Variants in NPLOC4 observed in about 807,000 individuals in gnomAD.
NPLOC4 encodes NPL4 homolog, ubiquitin recognition factor, also known as nuclear protein localization protein 4 homolog.
In NPLOC4, 18 loss-of-function variants were observed where a neutral mutation model predicts 80.6. That is an observed-to-expected ratio of 0.22 (90% CI 0.15 to 0.33). The LOEUF (loss-of-function observed/expected upper bound fraction) is 0.33. Among genes scored for constraint, NPLOC4 ranks in the 10% least tolerant of loss-of-function variants. The pLI is 1.00. For synonymous variants in NPLOC4, 313 were observed against 301.5 expected (o/e 1.04, Z -0.39); for missense variants, 540 against 786.1 (o/e 0.69, Z 3.74).
chr17:81,627,491 G>A (rs1218020245), intron 2 of NPLOC4, among the ~76,000 whole-genome samples: 1 of 152,132 alleles, frequency 6.6e-6, no homozygotes, highest in African/African-American at 2.4e-5. Context: ...TGTAACCCCA[G>A]CACTTTGGGA....
Position 81,580,862 on chromosome 17 carries a change from C to A in NPLOC4, c.1281+8082G>T, listed in dbSNP as rs1464924599. Among the ~76,000 whole-genome samples the A allele has an allele frequency of 6.6e-6, 1 of 152,196 alleles. No homozygotes were observed. Among genetic ancestry groups the A allele is most frequent in the African/African-American group, 2.4e-5 (1 of 41,454 alleles). ...GTCAGTGCTACCAAGGGCTTGGCCA[C>A]CCAAACACAACAGCTCTCGCTCCCC... On this transcript the variant is annotated intron_variant, in intron 12 of 16. Coordinates refer to ENST00000331134, the MANE Select transcript of NPLOC4 (RefSeq NM_017921.4). The surrounding 1 kb of genome is among the most constrained non-coding windows in gnomAD (Gnocchi z 4.4).
rs1215473696 is a variant in NPLOC4 at position 81,557,979 on chromosome 17, C to CTA, written c.*1278_*1279dup. The CTA allele has an allele frequency of 6.6e-6, 1 of 152,528 alleles. No homozygotes were observed. Among genetic ancestry groups the CTA allele is most frequent in the Non-Finnish European group, 1.5e-5 (1 of 68,222 alleles). 9.4% of individuals were successfully genotyped at this position (152,528 alleles called of 1,614,324 possible). ...CCCCCCAGGATGGACACAGAAGTCC[C>CTA]TAAGCAGTCTGCAGCTGGGCCAGCC... On this transcript the variant is annotated 3_prime_UTR_variant, in exon 17 of 17. Coordinates refer to ENST00000331134, the MANE Select transcript of NPLOC4 (RefSeq NM_017921.4).
In NPLOC4 at chr17:81,577,761, A is replaced by C. The variant is rs1038642906; in HGVS notation, c.1282-5673T>G. On this transcript the variant is annotated intron_variant, in intron 12 of 16. Transcript: ENST00000331134. The surrounding 1 kb of genome is among the most constrained non-coding windows in gnomAD (Gnocchi z 4.3). ...GGCACCAGTGCCAACCCTGCTCCCC[A>C]AAACCAGGAACCTGGCTTGAGCCTG... is the stretch of plus-strand genomic sequence containing the variant. Among the ~76,000 whole-genome samples the C allele has an allele frequency of 6.6e-6, 1 of 152,124 alleles. No individual in the cohort carries two copies.
At chr17:81,587,341 A>G (rs1003893663) in intron 12 of NPLOC4, among the ~76,000 whole-genome samples, 1 of 151,866 alleles carries the variant, frequency 6.6e-6, no homozygotes, top group Non-Finnish European at 1.5e-5. Context: ...TTTGAGACGG[A>G]GTCTTGCTCT....
At position 81,600,299 on chromosome 17, in the gene NPLOC4, G is replaced by A. The variant is rs376125584; in HGVS notation, c.921+42C>T. The A allele has an allele frequency of 4.1e-6, 6 of 1,465,270 alleles. No homozygotes were observed. The African/African-American group carries it at 7.0e-5, about 17-fold the overall frequency. The allele number at this position is 1,465,270 out of a possible 1,614,324, so 90.8% of individuals were successfully genotyped here. ...CCCCCTGGCCTGGATGCCCAACAGA[G>A]CCTGGCCACGCCCCCTGCTTGGCTG... On this transcript the variant is annotated intron_variant, in intron 9 of 16. Transcript: ENST00000331134.
At position 81,577,706 on chromosome 17, in the gene NPLOC4, TC is replaced by T. The variant is rs2034338643; in HGVS notation, c.1282-5619del. On this transcript the variant is annotated intron_variant, in intron 12 of 16. Transcript: ENST00000331134. This position sits in a 1 kb window ranked among gnomAD's most constrained non-coding sequence, Gnocchi z 4.3. ...TGCGTGCTGGCACCTGGACTCACCA[TC>T]CTCCCACACAGACCCATGGCTCTAC... Among the ~76,000 whole-genome samples, 1 of 152,096 alleles carries T rather than the reference TC, an allele frequency of 6.6e-6. No homozygotes were observed. The highest frequency in any genetic ancestry group is 2.4e-5 in the African/African-American group (1 of 41,406).
chr17:81,588,803 C>T, intron 12 of NPLOC4, 141 bp downstream of exon 12: 1 of 683,464 alleles, frequency 1.5e-6, no homozygotes, highest in Non-Finnish European at 2.5e-6. Context: ...AGAAACGTGA[C>T]AGAAGCCTTT....
chr17:81,623,591 G>A (rs1460541361), intron 2 of NPLOC4, among the ~76,000 whole-genome samples: 7 of 151,800 alleles, frequency 4.6e-5, no homozygotes, highest in Non-Finnish European at 1.0e-4. Context: ...GAGGTCAGGA[G>A]ATCGAGACCA....
At chr17:81,589,193 A>G (rs2034666441) in intron 11 of NPLOC4, 89 bp from the exon 12 acceptor site, 1 of 1,175,324 alleles carries the variant, frequency 8.5e-7, no homozygotes, top group East Asian at 2.6e-5. Flanking sequence ...GATCAACAGA[A>G]AAAACAAACC....
At chr17:81,569,713 C>T (rs1270412275) in intron 13 of NPLOC4, among the ~76,000 whole-genome samples, 1 of 152,176 alleles carries the variant, frequency 6.6e-6, no homozygotes, top group Non-Finnish European at 1.5e-5. Flanking sequence ...GGGTTCAGCT[C>T]TTCTCTCTCC....
At chr17:81,578,975 T>C (rs62073413) in intron 12 of NPLOC4, among the ~76,000 whole-genome samples, 12,528 of 152,300 alleles carry the variant, frequency 0.082, 589 homozygotes, top group Middle Eastern at 0.17. Flanking sequence ...GGCAGGAGTG[T>C]AGTGGTGCAA....
At chr17:81,568,697 C>T (rs1803051410) in intron 14 of NPLOC4, among the ~76,000 whole-genome samples, 1 of 152,242 alleles carries the variant, frequency 6.6e-6, no homozygotes, top group African/African-American at 2.4e-5. Context: ...AGCAGGTGAC[C>T]AGGCAGGGGC....
At chr17:81,596,377 G>T in intron 10 of NPLOC4, 135 bp from the exon 11 acceptor site, 1 of 992,966 alleles carries the variant, frequency 1.0e-6, no homozygotes, top group Non-Finnish European at 1.5e-6. Flanking sequence ...AGAGGTGGAG[G>T]CGGGAGGTCC....
chr17:81,628,884 C>T (rs1043107059), intron 2 of NPLOC4, among the ~76,000 whole-genome samples: 1 of 145,316 alleles, frequency 6.9e-6, no homozygotes, highest in Non-Finnish European at 1.5e-5. Context: ...ACAATTCATA[C>T]TTTTTTTTTT....
intron 1 of NPLOC4, 57 bp downstream of exon 1, chr17:81,636,859 C>T: frequency 7.2e-7 from 1 of 1,385,698 alleles, no homozygotes; most frequent in Non-Finnish European, 9.4e-7. Flanking sequence ...AGGCCGAGGC[C>T]GGCAAATCTG....
chr17:81,618,114 G>A lies in NPLOC4; in HGVS notation c.209+4052C>T, dbSNP rs1238639797. ...AAGTGAGGAGCCTCTCTGCCTGGCC[G>A]CCCATCGTCTGGGATGTGACGAGCC... On this transcript the variant is annotated intron_variant, in intron 3 of 16. Transcript: ENST00000331134. Among the ~76,000 whole-genome samples the A allele has an allele frequency of 3.3e-5, 5 of 152,138 alleles. No individual in the cohort carries two copies. In the East Asian group the frequency reaches 9.7e-4, roughly 30 times the overall value.
intron 2 of NPLOC4, among the ~76,000 whole-genome samples, chr17:81,622,840 C>T (rs1226756776): frequency 6.6e-6 from 1 of 152,104 alleles, no homozygotes; most frequent in Non-Finnish European, 1.5e-5. Context: ...CGTGAGCCAC[C>T]ATGCATGGCC....
intron 15 of NPLOC4, 131 bp from the exon 16 acceptor site, chr17:81,565,738 A>G: frequency 1.5e-6 from 1 of 677,828 alleles, no homozygotes; most frequent in East Asian, 2.8e-5. Flanking sequence ...ACAGGCTATC[A>G]CTATAAAATG....
chr17:81,623,583 G>A (rs1465385207), intron 2 of NPLOC4, among the ~76,000 whole-genome samples: 1 of 151,716 alleles, frequency 6.6e-6, no homozygotes, highest in East Asian at 2.0e-4. Flanking sequence ...CGGATCATGA[G>A]GTCAGGAGAT....
Sources: gnomAD v4.1 joint callset for allele counts (sites outside exome capture counted in the v4.1 genomes callset) on GRCh38, gnomAD v4.1.1 for gene constraint, Gnocchi (gnomAD v3.1) non-coding constraint, MANE v1.5 for transcripts, NCBI Gene and HGNC (gene_info 2026-07-23, HGNC 2026-07-21) for gene names.